KCNIP4: variants seen among roughly 807,000 people sequenced by gnomAD.
KCNIP4 encodes the protein Kv channel-interacting protein 4.
In KCNIP4, 12 loss-of-function variants were observed where a neutral mutation model predicts 34.0. The ratio of observed to expected loss-of-function variants is 0.35; its 90% CI spans 0.23 to 0.57. KCNIP4 has a LOEUF of 0.57. Ranked by LOEUF, KCNIP4 falls within the 20% of genes least tolerant of loss-of-function variation. The probability of loss-of-function intolerance (pLI) is 0.83; values close to 1 mark genes in which losing one functional copy is unlikely to be tolerated. For synonymous variants in KCNIP4, 124 were observed against 102.2 expected (o/e 1.21, Z -1.29); for missense variants, 238 against 311.7 (o/e 0.76, Z 1.78).
At chr4:21,410,492 G>A (rs891850067) in intron 1 of KCNIP4, among the ~76,000 whole-genome samples, 4 of 152,176 alleles carry the variant, frequency 2.6e-5, no homozygotes, top group African/African-American at 7.2e-5. Context: ...AGACATTCAA[G>A]CAACACTATG....
At chr4:21,306,908 C>T (rs999558568) in intron 1 of KCNIP4, among the ~76,000 whole-genome samples, 2 of 151,906 alleles carry the variant, frequency 1.3e-5, no homozygotes, top group Admixed American at 6.6e-5. Flanking sequence ...CCGCAACCTC[C>T]GTCTCCTGGG....
intron 1 of KCNIP4, among the ~76,000 whole-genome samples, chr4:21,412,166 T>C (rs575551284): frequency 6.0e-4 from 92 of 152,274 alleles, no homozygotes; most frequent in Non-Finnish European, 9.6e-4. Context: ...GCCTCTAGTC[T>C]AACCATTTTG....
intron 1 of KCNIP4, among the ~76,000 whole-genome samples, chr4:21,764,398 A>G: frequency 6.6e-6 from 1 of 152,132 alleles, no homozygotes; most frequent in East Asian, 1.9e-4. Flanking sequence ...TTCATAAATG[A>G]GCTAGTTCAA....
chr4:21,179,253 T>A (rs1477460854), intron 1 of KCNIP4, among the ~76,000 whole-genome samples: 1 of 152,238 alleles, frequency 6.6e-6, no homozygotes, highest in African/African-American at 2.4e-5. Flanking sequence ...CTCCATCATT[T>A]TTCCTTGCTT....
chr4:21,235,852 G>A (rs903800413), intron 1 of KCNIP4, among the ~76,000 whole-genome samples: 1 of 152,178 alleles, frequency 6.6e-6, no homozygotes, highest in African/African-American at 2.4e-5. Context: ...GGGCCTCAGA[G>A]AGGAGGAAGT....
chr4:21,341,886 G>A (rs559903215), intron 1 of KCNIP4, among the ~76,000 whole-genome samples: 38 of 152,144 alleles, frequency 2.5e-4, no homozygotes, highest in African/African-American at 7.5e-4. Context: ...ACTGCTTTCC[G>A]TAGTTGACTG....
At chr4:21,190,730 A>G (rs1755577962) in intron 1 of KCNIP4, among the ~76,000 whole-genome samples, 1 of 150,868 alleles carries the variant, frequency 6.6e-6, no homozygotes, top group African/African-American at 2.4e-5. Context: ...ATTAAAAAAT[A>G]CAAGAAGAAA....
At position 20,732,670 on chromosome 4, in the gene KCNIP4, TTAA is replaced by T; in HGVS notation, c.642+8_642+10del. The stretch of plus-strand genomic sequence containing the variant: ...ACTTCATGCCCTCTTGACTTCTGTT[TTAA>T]TTCCTACCTGAAAAAATGTTTCAAC... On this transcript the variant is annotated splice_region_variant and intron_variant, in intron 7 of 8. Transcript: ENST00000382152. 2.5e-6 allele frequency: 4 copies of T among 1,581,772 alleles called. No homozygotes were observed. The highest frequency in any genetic ancestry group is 3.5e-6 in the Non-Finnish European group (4 of 1,150,986).
At chr4:21,701,220 CA>C (rs1712809291) in intron 1 of KCNIP4, among the ~76,000 whole-genome samples, 1 of 152,006 alleles carries the variant, frequency 6.6e-6, no homozygotes, top group Non-Finnish European at 1.5e-5. Context: ...CTCATAGGAA[CA>C]AAGAGTAGAA....
At chr4:20,995,890 A>G (rs1439858713) in intron 1 of KCNIP4, among the ~76,000 whole-genome samples, 1 of 152,206 alleles carries the variant, frequency 6.6e-6, no homozygotes, top group African/African-American at 2.4e-5. Context: ...AGGAATGCAC[A>G]TAAGTTACTA....
At chr4:21,174,626 G>A (rs1312778976) in intron 1 of KCNIP4, among the ~76,000 whole-genome samples, 5 of 152,056 alleles carry the variant, frequency 3.3e-5, no homozygotes, top group African/African-American at 9.7e-5. Flanking sequence ...TAGGCTGGGC[G>A]CAGTGGCTCA....
Position 20,795,670 on chromosome 4 carries a change from G to A in KCNIP4, c.289-36780C>T, listed in dbSNP as rs774884527. Reference sequence around the variant, plus strand: ...AATATCTGCTAATTGGTACATTGTTGCCTACCATCTTTAAAATAGCCTGCT... The same window carrying A: ...AATATCTGCTAATTGGTACATTGTTACCTACCATCTTTAAAATAGCCTGCT... On this transcript the variant is annotated intron_variant, in intron 3 of 8. Coordinates refer to ENST00000382152, the MANE Select transcript of KCNIP4 (RefSeq NM_025221.6). 7.2e-5 allele frequency among the ~76,000 whole-genome samples: 11 copies of A among 152,144 alleles called. No individual in the cohort carries two copies. The South Asian group carries it at 1.2e-3, about 17-fold the overall frequency.
At chr4:21,111,763 C>G (rs1442008441) in intron 1 of KCNIP4, among the ~76,000 whole-genome samples, 1 of 152,092 alleles carries the variant, frequency 6.6e-6, no homozygotes, top group Non-Finnish European at 1.5e-5. Context: ...TTATTGCAGG[C>G]AGGAATGAAC....
At chr4:20,803,776 A>AGGAAGGAAGG (rs1714725704) in intron 3 of KCNIP4, among the ~76,000 whole-genome samples, 3 of 151,052 alleles carry the variant, frequency 2.0e-5, no homozygotes, top group African/African-American at 7.3e-5. Flanking sequence ...GAAGGACGGA[A>AGGAAGGAAGG]AATAGAGAAC....
At chr4:20,806,586 G>C (rs1469747550) in intron 3 of KCNIP4, among the ~76,000 whole-genome samples, 2 of 151,470 alleles carry the variant, frequency 1.3e-5, no homozygotes, top group South Asian at 2.1e-4. Context: ...TATTATCAAA[G>C]GACATGAATT....
intron 1 of KCNIP4, among the ~76,000 whole-genome samples, chr4:20,921,700 A>G (rs1304687827): frequency 2.0e-5 from 3 of 152,266 alleles, no homozygotes; most frequent in Admixed American, 1.3e-4. Context: ...AATAAATTCA[A>G]TGCTAATGAA....
At chr4:21,747,913 A>G (rs1716882024) in intron 1 of KCNIP4, among the ~76,000 whole-genome samples, 1 of 152,182 alleles carries the variant, frequency 6.6e-6, no homozygotes, top group Non-Finnish European at 1.5e-5. Flanking sequence ...AAGGACACAC[A>G]GAGAAGAAGC....
At chr4:21,024,152 A>G (rs1223740285) in intron 1 of KCNIP4, among the ~76,000 whole-genome samples, 1 of 152,232 alleles carries the variant, frequency 6.6e-6, no homozygotes, top group Non-Finnish European at 1.5e-5. Context: ...ACAAAATTTA[A>G]CAAATTTATT....
At chr4:20,849,266 A>G (rs1720745069) in intron 3 of KCNIP4, among the ~76,000 whole-genome samples, 2 of 152,034 alleles carry the variant, frequency 1.3e-5, no homozygotes, top group Admixed American at 1.3e-4. Context: ...AATTTTGGAG[A>G]AGAAACAAAT....
Sources: allele counts gnomAD v4.1 joint callset (sites outside exome capture counted in the v4.1 genomes callset), GRCh38; gene constraint gnomAD v4.1.1; transcripts MANE v1.5; gene names NCBI Gene and HGNC (gene_info 2026-07-23, HGNC 2026-07-21).